Variants in NDRG1 observed in about 807,000 individuals in gnomAD.
NDRG1 encodes N-myc downstream regulated 1.
In NDRG1, 32 loss-of-function variants were observed where a neutral mutation model predicts 56.9. The observed-to-expected ratio is 0.56, with a 90% CI of 0.42 to 0.76. The LOEUF (loss-of-function observed/expected upper bound fraction) is 0.76, where lower values mean the gene tolerates loss of function less well. NDRG1 is among the 30% of genes least tolerant of loss of function. The pLI, the probability that NDRG1 is intolerant of heterozygous loss-of-function variation, is 0.00. For missense variants in NDRG1, 507 were observed against 545.7 expected (o/e 0.93, Z 0.71); for synonymous variants, 211 against 204.1 (o/e 1.03, Z -0.29).
At chr8:133,274,840 C>T (rs1168093534) in intron 3 of NDRG1, among the ~76,000 whole-genome samples, 1 of 152,178 alleles carries the variant, frequency 6.6e-6, no homozygotes, top group Non-Finnish European at 1.5e-5. Flanking sequence ...TCACAGCTGC[C>T]GCCCCTGGGA....
chr8:133,283,396 G>A (rs1178049557), intron 2 of NDRG1, among the ~76,000 whole-genome samples: 2 of 152,252 alleles, frequency 1.3e-5, no homozygotes, highest in Admixed American at 6.5e-5. Flanking sequence ...GGCTAAGTGA[G>A]AATTGGGATG....
At chr8:133,249,186 C>A in intron 10 of NDRG1, 1 of 317,578 alleles carries the variant, frequency 3.1e-6, no homozygotes, top group Non-Finnish European at 6.1e-6. Context: ...CTCTATAAAG[C>A]ACCCAAATGA....
At chr8:133,262,269 G>T in intron 4 of NDRG1, 102 bp from the exon 5 acceptor site, 1 of 1,418,064 alleles carries the variant, frequency 7.1e-7, no homozygotes. Context: ...TTCCTATTCA[G>T]AAGTAGGAAG....
At chr8:133,267,458 A>T (rs2130752209) in intron 3 of NDRG1, among the ~76,000 whole-genome samples, 1 of 152,228 alleles carries the variant, frequency 6.6e-6, no homozygotes, top group Non-Finnish European at 1.5e-5. Context: ...TGGCACACAG[A>T]GCTCAGCCCC....
chr8:133,264,734 A>T (rs903018329), intron 3 of NDRG1, 82 bp from the exon 4 acceptor site: 3 of 1,206,590 alleles, frequency 2.5e-6, no homozygotes, highest in Non-Finnish European at 2.5e-6. Context: ...CCTGTTTCCA[A>T]CTGTGTTTTG....
rs1404424097 is a variant in NDRG1, at chr8:133,256,802, CCTT to C, written c.509_511del (p.Glu170del). 6.2e-7 allele frequency: 1 copy of C among 1,614,210 alleles called. No homozygotes were observed. Among genetic ancestry groups the C allele is most frequent in the Non-Finnish European group, 8.5e-7 (1 of 1,180,034 alleles). ...CTTGGAGGCGGCCCAGTCCATCCAG[CCTT>C]CCGCACAAGGGTTCACGTTGATAAG... On this transcript the variant is annotated inframe_deletion, in exon 8 of 16. Transcript: ENST00000323851.
At chr8:133,257,484 A>G (rs1856445779) in intron 7 of NDRG1, among the ~76,000 whole-genome samples, 1 of 152,186 alleles carries the variant, frequency 6.6e-6, no homozygotes, top group Non-Finnish European at 1.5e-5. Context: ...CTTTGCTCCT[A>G]GGTTTGCTGT....
rs547816367 is a variant in NDRG1 at position 133,291,837 on chromosome 8, C to T, written c.-19+5297G>A. On this transcript the variant is annotated intron_variant, in intron 1 of 15. Transcript: ENST00000323851. The stretch of plus-strand genomic sequence containing the variant: ...GTCTCCCTCTCAAACAAGCCAAAGC[C>T]GCATTCACTCCCTGGGTGTGGGTCC... Among the ~76,000 whole-genome samples the T allele has an allele frequency of 8.3e-4, 127 of 152,250 alleles. 2 individuals are homozygous for T. The South Asian group carries it at 0.016, about 20-fold the overall frequency.
chr8:133,251,884 G>A (rs1302104186), intron 9 of NDRG1, among the ~76,000 whole-genome samples: 1 of 152,134 alleles, frequency 6.6e-6, no homozygotes. Flanking sequence ...GAAGGAGAGG[G>A]AGAAATAAAA....
intron 5 of NDRG1, among the ~76,000 whole-genome samples, chr8:133,261,579 G>T (rs1334820111): frequency 6.6e-6 from 1 of 152,184 alleles, no homozygotes; most frequent in African/African-American, 2.4e-5. Context: ...TAGCCCACAG[G>T]AAGGGCTCCA....
In NDRG1 at chr8:133,277,504, T is replaced by C. The variant is rs959647487; in HGVS notation, c.99+2728A>G. Among the ~76,000 whole-genome samples the C allele has an allele frequency of 2.0e-5, 3 of 152,090 alleles. No homozygotes were observed. The South Asian group carries it at 6.2e-4, about 32-fold the overall frequency. The stretch of plus-strand genomic sequence containing the variant: ...CTTGAACCCAGGAGGTAAAGAAAGG[T>C]TGCAGTGAGCCAAGATCGCACCACT... On this transcript the variant is annotated intron_variant, in intron 3 of 15. Transcript: ENST00000323851.
rs1252886880 is a variant in NDRG1, at chr8:133,259,456, CTCAT to C, written c.327-230_327-227del. 5.1e-6 allele frequency: 3 copies of C among 587,326 alleles called. No homozygotes were observed. In the African/African-American group the frequency reaches 5.6e-5, roughly 11 times the overall value. 36.4% of individuals were successfully genotyped at this position (587,326 alleles called of 1,614,324 possible). ...CCCATGGACACATTCTGGGAATTAGCTCATTCAATTTTCACAATAACTCTAGGAG... is the reference window on the plus strand; with the variant it reads ...CCCATGGACACATTCTGGGAATTAGCTCAATTTTCACAATAACTCTAGGAG... On this transcript the variant is annotated intron_variant, in intron 5 of 15. Coordinates refer to ENST00000323851, the MANE Select transcript of NDRG1 (RefSeq NM_006096.4).
intron 1 of NDRG1, among the ~76,000 whole-genome samples, chr8:133,287,725 G>A (rs1375840520): frequency 6.6e-6 from 1 of 152,168 alleles, no homozygotes; most frequent in Admixed American, 6.5e-5. Context: ...AGCACGGGAG[G>A]AGGCTCAGCA....
chr8:133,290,312 C>T (rs1304565447), intron 1 of NDRG1, among the ~76,000 whole-genome samples: 2 of 152,140 alleles, frequency 1.3e-5, no homozygotes, highest in Admixed American at 1.3e-4. Context: ...ACAATGTAAC[C>T]CTACACAGAC....
At chr8:133,265,031 GTGAC>G in intron 3 of NDRG1, 1 of 317,362 alleles carries the variant, frequency 3.2e-6, no homozygotes, top group Non-Finnish European at 6.2e-6. Context: ...TACTGTACCT[GTGAC>G]TAACATCTGC....
At chr8:133,255,428 C>A (rs946765244) in intron 8 of NDRG1, 1 of 456,242 alleles carries the variant, frequency 2.2e-6, no homozygotes, top group South Asian at 1.5e-5. Context: ...GGGAATAGTA[C>A]AGCTATTAAA....
intron 3 of NDRG1, among the ~76,000 whole-genome samples, chr8:133,267,199 G>A (rs1856964917): frequency 6.6e-6 from 1 of 152,274 alleles, no homozygotes; most frequent in Admixed American, 6.5e-5. Context: ...AACTCCTGCA[G>A]AGGGTGGTCG....
intron 15 of NDRG1, chr8:133,240,673 C>T (rs1855327272): frequency 6.6e-6 from 1 of 152,206 alleles, no homozygotes; most frequent in African/African-American, 2.4e-5. Flanking sequence ...TTATTTTCCC[C>T]CCAAGACCTG....
chr8:133,259,160 G>A lies in NDRG1; in HGVS notation c.389+8C>T, dbSNP rs375532877. ...CAGACAGAGAAGGAGCTGATCCTTC[G>A]CTCTTACCCAAACTGTTGAAGGACT... On this transcript the variant is annotated splice_region_variant and intron_variant, in intron 6 of 15. Coordinates refer to ENST00000323851, the MANE Select transcript of NDRG1 (RefSeq NM_006096.4). 158 of 1,613,596 alleles carry A rather than the reference G, an allele frequency of 9.8e-5. 2 individuals are homozygous for A. The African/African-American group carries it at 1.8e-3, about 18-fold the overall frequency.
Sources: gnomAD v4.1 joint callset for allele counts (sites outside exome capture counted in the v4.1 genomes callset) on GRCh38, gnomAD v4.1.1 for gene constraint, MANE v1.5 for transcripts, NCBI Gene and HGNC (gene_info 2026-07-23, HGNC 2026-07-21) for gene names.